Variants in PHLDB3 observed in about 807,000 individuals in gnomAD.
The protein encoded by PHLDB3 is pleckstrin homology-like domain family B member 3.
A neutral mutation model predicts 85.7 loss-of-function variants in PHLDB3; 86 were observed. The ratio of observed to expected loss-of-function variants is 1.00; its 90% CI spans 0.84 to 1.20. The LOEUF (loss-of-function observed/expected upper bound fraction) is 1.20, where lower values mean the gene tolerates loss of function less well. Ranked by LOEUF, PHLDB3 falls within the 50% of genes most tolerant of loss-of-function variation. The pLI, the probability that PHLDB3 is intolerant of heterozygous loss-of-function variation, is 0.00. For synonymous variants in PHLDB3, 376 were observed against 349.8 expected, an observed-to-expected ratio of 1.07 and a Z score of -0.83; for missense variants, 995 against 873.0, an observed-to-expected ratio of 1.14 and a Z score of -1.76.
chr19:43,475,519 CAGA>C lies in PHLDB3; in HGVS notation c.1811_1813del (p.Phe604del), dbSNP rs758521094. 4 of 1,613,840 alleles carry C rather than the reference CAGA, an allele frequency of 2.5e-6. No individual in the cohort carries two copies. The highest frequency in any genetic ancestry group is 2.2e-5 in the East Asian group (1 of 44,864). ...GAAAAGGCGTTCGTAGGTTTTGACG[CAGA>C]AGGTCAGGCGGGGGTTGGGGCTCTG... On this transcript the variant is annotated inframe_deletion, in exon 16 of 16. Coordinates refer to ENST00000292140, the MANE Select transcript of PHLDB3 (RefSeq NM_198850.4).
At chr19:43,481,940 G>A (rs1446198044) in intron 13 of PHLDB3, among the ~76,000 whole-genome samples, 1 of 151,208 alleles carries the variant, frequency 6.6e-6, no homozygotes, top group South Asian at 2.1e-4. Flanking sequence ...AGGAAGGGAG[G>A]GAAAGGCCAG....
intron 15 of PHLDB3, among the ~76,000 whole-genome samples, chr19:43,475,803 TC>T (rs753916468): frequency 6.6e-6 from 1 of 152,114 alleles, no homozygotes; most frequent in Non-Finnish European, 1.5e-5. Flanking sequence ...AAATTTTTTT[TC>T]TTTTTTTTTT....
At chr19:43,501,546 C>T (rs1310277553) in intron 4 of PHLDB3, 188 bp downstream of exon 4, 2 of 1,109,842 alleles carry the variant, frequency 1.8e-6, no homozygotes, top group Non-Finnish European at 2.5e-6. Flanking sequence ...AAAGGAAGAG[C>T]CCCAAAAATC....
intron 6 of PHLDB3, 137 bp from the exon 7 acceptor site, chr19:43,495,757 G>A (rs931738268): frequency 2.3e-6 from 3 of 1,295,526 alleles, no homozygotes; most frequent in Admixed American, 5.8e-5. Flanking sequence ...CAGGGCTGGG[G>A]ACCCAGCGTT....
rs1034282453 is a variant in PHLDB3 at position 43,475,487 on chromosome 19, C to A, written c.1846G>T (p.Val616Leu). 8 of 1,613,820 alleles carry A rather than the reference C, an allele frequency of 5.0e-6. No individual in the cohort carries two copies. Among genetic ancestry groups the A allele is most frequent in the Admixed American group, 1.7e-5 (1 of 59,984 alleles). The change falls in exon 16 of 16, where the codon GTG (valine) becomes TTG (leucine). Residue 616 changes from valine to leucine, a missense_variant. Val to Leu is a conservative substitution (Grantham distance 32). Transcript: ENST00000292140. ...VKTYERLFYMVAPSPEAMRIW... is the reference protein window; with the variant it reads ...VKTYERLFYMLAPSPEAMRIW... ...CGCATGGCTTCGGGGCTCGGAGCCACCATGTAGAAAAGGCGTTCGTAGGTT... is the reference window on the plus strand; with the variant it reads ...CGCATGGCTTCGGGGCTCGGAGCCAACATGTAGAAAAGGCGTTCGTAGGTT...
Position 43,475,439 on chromosome 19 carries a change from T to G in PHLDB3, c.1894A>C (p.Thr632Pro), listed in dbSNP as rs1599927889. 6.2e-6 allele frequency: 10 copies of G among 1,613,814 alleles called. No homozygotes were observed. Among genetic ancestry groups the G allele is most frequent in the Non-Finnish European group, 8.5e-6 (10 of 1,179,798 alleles). The change falls in exon 16 of 16, where the codon ACC becomes CCC. Residue 632 changes from threonine to proline, a missense_variant. Transcript: ENST00000292140. ...GGGGCGTGGTTTTCGTCAGCGGCGGTCACGATGACGTCCATCCAAATGCGC... is the reference window on the plus strand; with the variant it reads ...GGGGCGTGGTTTTCGTCAGCGGCGGGCACGATGACGTCCATCCAAATGCGC... ...AMRIWMDVIV[T>P]AADENHAP
rs763896176 is a variant in PHLDB3, at chr19:43,478,027, G to A, written c.1788+20C>T. 2 of 1,593,858 alleles carry A rather than the reference G, an allele frequency of 1.3e-6. No individual in the cohort carries two copies. Among genetic ancestry groups the A allele is most frequent in the Non-Finnish European group, 1.7e-6 (2 of 1,162,438 alleles). On this transcript the variant is annotated intron_variant, in intron 15 of 15. Transcript: ENST00000292140. ...CTGAGTCTCCAACTGGGAGGTCAGG[G>A]TGACATTGAGGGGCTTCACCTTGAA...
At chr19:43,497,586 C>T (rs1044004933) in intron 5 of PHLDB3, among the ~76,000 whole-genome samples, 162 bp downstream of exon 5, 2 of 152,120 alleles carry the variant, frequency 1.3e-5, no homozygotes, top group African/African-American at 4.8e-5. Flanking sequence ...GTGGTGCGCA[C>T]CTGTAGTCCC....
intron 4 of PHLDB3, among the ~76,000 whole-genome samples, chr19:43,501,083 T>C (rs1010560648): frequency 1.1e-4 from 16 of 151,724 alleles, no homozygotes; most frequent in African/African-American, 3.6e-4. Flanking sequence ...GAAACAAGAA[T>C]GTAAGAATAT....
At chr19:43,493,628 T>C (rs780552875) in intron 9 of PHLDB3, among the ~76,000 whole-genome samples, 1 of 146,808 alleles carries the variant, frequency 6.8e-6, no homozygotes, top group Non-Finnish European at 1.5e-5. Context: ...TGAGACTCTG[T>C]CAAAAAAAAA....
At position 43,501,757 on chromosome 19, in the gene PHLDB3, G is replaced by T; in HGVS notation, c.511C>A (p.Arg171Ser). 6.3e-7 allele frequency: 1 copy of T among 1,583,160 alleles called. No individual in the cohort carries two copies. ...LLEQQAASEQRGRQQREQEQR... is the reference protein window; with the variant it reads ...LLEQQAASEQSGRQQREQEQR... Reference sequence around the variant, plus strand: ...ACCTGTTCCCGCTGCTGGCGGCCGCGCTGCTCCGAGGCCGCCTGCTGCTCC... The same window carrying T: ...ACCTGTTCCCGCTGCTGGCGGCCGCTCTGCTCCGAGGCCGCCTGCTGCTCC... The change falls in exon 4 of 16, where the codon CGC becomes AGC. Residue 171 changes from arginine (R) to serine (S), a missense_variant. Physicochemically the swap from Arg to Ser is moderately radical, Grantham distance 110. Coordinates refer to ENST00000292140, the MANE Select transcript of PHLDB3 (RefSeq NM_198850.4).
Position 43,501,932 on chromosome 19 carries a change from G to A in PHLDB3, c.397-61C>T, listed in dbSNP as rs548090546. The A allele has an allele frequency of 8.7e-4, 1,322 of 1,513,828 alleles. 3 individuals are homozygous for A. The African/African-American group carries it at 0.014, about 16-fold the overall frequency. 93.8% of individuals were successfully genotyped at this position (1,513,828 alleles called of 1,614,324 possible). On this transcript the variant is annotated intron_variant, in intron 3 of 15. Coordinates refer to ENST00000292140, the MANE Select transcript of PHLDB3 (RefSeq NM_198850.4). The stretch of plus-strand genomic sequence containing the variant: ...CCTAGGTCCAAGGAAGAGGCCCAGG[G>A]CCTGAACTACCGGATTCGAAGGGAG...
chr19:43,493,280 GAATAAATAAATA>G (rs57954351), intron 9 of PHLDB3, among the ~76,000 whole-genome samples: 15 of 133,748 alleles, frequency 1.1e-4, no homozygotes, highest in Non-Finnish European at 1.6e-4. Context: ...CTCTGTCTCA[GAATAAATAAATA>G]AATAAATAAA....
rs371689751 is a variant in PHLDB3 at position 43,503,505 on chromosome 19, T to C, written c.213+401A>G. Among the ~76,000 whole-genome samples, 12 of 152,132 alleles carry C rather than the reference T, an allele frequency of 7.9e-5. No homozygotes were observed. In the East Asian group the frequency reaches 1.9e-3, roughly 25 times the overall value. ...TTTTTTTTCTCTAGAGACAGGGATT[T>C]GCTATGTTGCCCAGACTTGTCTCGA... is the stretch of plus-strand genomic sequence containing the variant. On this transcript the variant is annotated intron_variant, in intron 2 of 15. Transcript: ENST00000292140.
chr19:43,479,610 C>A lies in PHLDB3; in HGVS notation c.1486-17G>T. 1 of 1,494,642 alleles carries A rather than the reference C, an allele frequency of 6.7e-7. No homozygotes were observed. Among genetic ancestry groups the A allele is most frequent in the Non-Finnish European group, 9.1e-7 (1 of 1,099,426 alleles). The allele number at this position is 1,494,642 out of a possible 1,614,324, so 92.6% of individuals were successfully genotyped here. A position where few individuals can be genotyped will look rare whatever the true frequency, so the allele number is the denominator to read the frequency against. On this transcript the variant is annotated splice_polypyrimidine_tract_variant and intron_variant, in intron 13 of 15. Coordinates refer to ENST00000292140, the MANE Select transcript of PHLDB3 (RefSeq NM_198850.4). ...GGGTGGGGCCTGGGGAGCAAAGAGA[C>A]GGGGCAGCTGATGTAAGGGGCGGGG...
In PHLDB3 at chr19:43,486,831, T is replaced by TC; in HGVS notation, c.1288dup (p.Asp430GlyfsTer18). The TC allele has an allele frequency of 6.3e-7, 1 of 1,582,560 alleles. No homozygotes were observed. The highest frequency in any genetic ancestry group is 8.6e-7 in the Non-Finnish European group (1 of 1,162,738). On this transcript the variant is annotated frameshift_variant, in exon 11 of 16. Transcript: ENST00000292140. LOFTEE classifies it high-confidence loss of function. The stretch of plus-strand genomic sequence containing the variant: ...CTGGTAGAGGGGGTATCTGCCGGAG[T>TC]CCCCCACTGCTGGCGGGAGAGCTGA...
At position 43,502,128 on chromosome 19, in the gene PHLDB3, C is replaced by G; in HGVS notation, c.369G>C (p.Gln123His). ...ALMEQRVKEL[Q>H]RQRKELRIEM... ...CGATCCTCAGCTCCTTCCTCTGGCG[C>G]TGTAGCTCCTTCACTCGCTGCTCCA... Residue 123 changes from glutamine to histidine, a missense_variant, in exon 3 of 16, where the codon CAG becomes CAC. Gln to His is a conservative substitution (Grantham distance 24). Transcript: ENST00000292140. 1 of 1,579,382 alleles carries G rather than the reference C, an allele frequency of 6.3e-7. No individual in the cohort carries two copies. Among genetic ancestry groups the G allele is most frequent in the Non-Finnish European group, 8.6e-7 (1 of 1,163,224 alleles).
intron 13 of PHLDB3, among the ~76,000 whole-genome samples, chr19:43,484,879 C>G (rs1971120059): frequency 6.6e-6 from 1 of 151,998 alleles, no homozygotes; most frequent in East Asian, 1.9e-4. Context: ...ATAATTCTAG[C>G]AGCTTGGAGG....
At chr19:43,480,195 G>A (rs757518157) in intron 13 of PHLDB3, among the ~76,000 whole-genome samples, 1 of 150,766 alleles carries the variant, frequency 6.6e-6, no homozygotes, top group East Asian at 1.9e-4. Context: ...AGGAGGCTGC[G>A]GTGGGAGGAT....
Sources: gnomAD v4.1 joint callset for allele counts (sites outside exome capture counted in the v4.1 genomes callset) on GRCh38, gnomAD v4.1.1 for gene constraint, MANE v1.5 for transcripts, NCBI Gene and HGNC (gene_info 2026-07-23, HGNC 2026-07-21) for gene names.